HTR7: variants seen among roughly 807,000 people sequenced by gnomAD.
HTR7 encodes the protein 5-HT-7.
HTR7 carries 16 observed loss-of-function variants against 34.0 expected under a neutral mutation model. That is an observed-to-expected ratio of 0.47 (90% CI 0.32 to 0.71). The LOEUF is 0.71. HTR7 is among the 30% of genes least tolerant of loss of function. The pLI is 0.04. For missense variants in HTR7, 504 were observed against 625.5 expected, an observed-to-expected ratio of 0.81 and a Z score of 2.07; for synonymous variants, 265 against 260.2, an observed-to-expected ratio of 1.02 and a Z score of -0.18.
intron 1 of HTR7, among the ~76,000 whole-genome samples, chr10:90,776,392 T>C (rs1845210626): frequency 6.6e-6 from 1 of 152,242 alleles, no homozygotes; most frequent in Non-Finnish European, 1.5e-5. Flanking sequence ...CCCTCATATG[T>C]ATGTATGCTG....
intron 1 of HTR7, among the ~76,000 whole-genome samples, chr10:90,854,558 T>A (rs551211364): frequency 1.8e-4 from 17 of 96,652 alleles, no homozygotes; most frequent in African/African-American, 9.4e-4. Flanking sequence ...GCAGGACAGA[T>A]CAGATTGTTT....
chr10:90,759,312 G>A (rs1227607923), intron 1 of HTR7, among the ~76,000 whole-genome samples: 2 of 151,988 alleles, frequency 1.3e-5, no homozygotes, highest in Non-Finnish European at 2.9e-5. Context: ...CTATTTTGGG[G>A]GAGGAAATAA....
intron 1 of HTR7, among the ~76,000 whole-genome samples, chr10:90,781,667 T>C (rs1845307093): frequency 6.6e-6 from 1 of 152,244 alleles, no homozygotes; most frequent in Non-Finnish European, 1.5e-5. Flanking sequence ...TCTTGTTATA[T>C]AATAAAGCTT....
At chr10:90,784,645 G>A (rs1845354786) in intron 1 of HTR7, among the ~76,000 whole-genome samples, 2 of 152,178 alleles carry the variant, frequency 1.3e-5, no homozygotes, top group South Asian at 4.1e-4. Flanking sequence ...TCAGTATAAT[G>A]TCAGGAAGCC....
At chr10:90,831,599 C>T (rs960027608) in intron 1 of HTR7, among the ~76,000 whole-genome samples, 1 of 152,216 alleles carries the variant, frequency 6.6e-6, no homozygotes, top group Non-Finnish European at 1.5e-5. Flanking sequence ...CTCGCGCAGC[C>T]TGCTTTTATT....
At chr10:90,746,578 T>G (rs537113843) in intron 2 of HTR7, among the ~76,000 whole-genome samples, 24 of 152,258 alleles carry the variant, frequency 1.6e-4, no homozygotes, top group Non-Finnish European at 3.1e-4. Context: ...TTTCCTGTGC[T>G]AAAAAATGCT....
chr10:90,778,778 A>G (rs1202896157), intron 1 of HTR7, among the ~76,000 whole-genome samples: 1 of 152,154 alleles, frequency 6.6e-6, no homozygotes, highest in African/African-American at 2.4e-5. Flanking sequence ...TGTCTCTTCC[A>G]CTGTCTAAAT....
At position 90,742,370 on chromosome 10, in the gene HTR7, G is replaced by C. The variant is rs913467702; in HGVS notation, c.*112C>G. 1.3e-6 allele frequency: 1 copy of C among 768,422 alleles called. No individual in the cohort carries two copies. The highest frequency in any genetic ancestry group is 2.2e-6 in the Non-Finnish European group (1 of 459,158). The allele number at this position is 768,422 out of a possible 1,614,324, so 47.6% of individuals were successfully genotyped here. A position where few individuals can be genotyped will look rare whatever the true frequency, so the allele number is the denominator to read the frequency against. On this transcript the variant is annotated 3_prime_UTR_variant, in exon 4 of 4. Transcript: ENST00000336152. ...AGATCACCCTGTTTGTCATGTTTTA[G>C]ACATCCCAAGAAAGGACAGAAGCTG...
chr10:90,839,308 A>G (rs1846294241), intron 1 of HTR7, among the ~76,000 whole-genome samples: 1 of 152,234 alleles, frequency 6.6e-6, no homozygotes, highest in African/African-American at 2.4e-5. Flanking sequence ...TTCCCGGAAT[A>G]TAATTCTGAA....
At chr10:90,830,564 T>G (rs184172123) in intron 1 of HTR7, among the ~76,000 whole-genome samples, 13 of 152,204 alleles carry the variant, frequency 8.5e-5, no homozygotes, top group African/African-American at 2.6e-4. Context: ...ATGTAGCAGA[T>G]AGCTTGTGCC....
chr10:90,835,773 G>C (rs535145036), intron 1 of HTR7, among the ~76,000 whole-genome samples: 1 of 152,274 alleles, frequency 6.6e-6, no homozygotes, highest in South Asian at 2.1e-4. Flanking sequence ...AGGGGACTAA[G>C]GGAGAGCTTG....
intron 1 of HTR7, among the ~76,000 whole-genome samples, chr10:90,762,625 G>T (rs2119727067): frequency 6.6e-6 from 1 of 152,168 alleles, no homozygotes; most frequent in East Asian, 1.9e-4. Context: ...ATGTGAAGAA[G>T]GTTTTTATTT....
At chr10:90,752,352 C>G (rs1399332347) in intron 1 of HTR7, among the ~76,000 whole-genome samples, 2 of 151,726 alleles carry the variant, frequency 1.3e-5, no homozygotes, top group African/African-American at 4.8e-5. Context: ...AAAATAATAC[C>G]TACAGTCTAT....
intron 1 of HTR7, among the ~76,000 whole-genome samples, chr10:90,812,986 T>C (rs1845839338): frequency 1.3e-5 from 2 of 152,316 alleles, no homozygotes; most frequent in South Asian, 2.1e-4. Context: ...CCTTAACTGA[T>C]GACATTGTCT....
chr10:90,794,879 CGTGAGT>C (rs1173463660), intron 1 of HTR7, among the ~76,000 whole-genome samples: 1 of 152,184 alleles, frequency 6.6e-6, no homozygotes, highest in Non-Finnish European at 1.5e-5. Context: ...ACCACAAACA[CGTGAGT>C]AAGGCATTGT....
chr10:90,767,826 T>A (rs1008432792), intron 1 of HTR7, among the ~76,000 whole-genome samples: 1 of 152,124 alleles, frequency 6.6e-6, no homozygotes, highest in Non-Finnish European at 1.5e-5. Context: ...AGACTTCTTA[T>A]GTATCAGCTG....
chr10:90,754,933 C>T (rs1047890455), intron 1 of HTR7, among the ~76,000 whole-genome samples: 8 of 152,164 alleles, frequency 5.3e-5, no homozygotes, highest in Non-Finnish European at 8.8e-5. Context: ...TGGCAAAATC[C>T]ACTAGAATCT....
intron 1 of HTR7, among the ~76,000 whole-genome samples, chr10:90,823,863 T>C (rs1019544040): frequency 1.3e-5 from 2 of 152,212 alleles, no homozygotes; most frequent in Non-Finnish European, 2.9e-5. Flanking sequence ...ACTCTCTTTT[T>C]CCTGCTGGCC....
intron 1 of HTR7, among the ~76,000 whole-genome samples, chr10:90,792,858 A>G (rs1313395257): frequency 6.6e-6 from 1 of 152,110 alleles, no homozygotes; most frequent in Non-Finnish European, 1.5e-5. Flanking sequence ...AAAAGAATAC[A>G]GTTGGAGCCT....
Sources: gnomAD v4.1 joint callset for allele counts (sites outside exome capture counted in the v4.1 genomes callset) on GRCh38, gnomAD v4.1.1 for gene constraint, MANE v1.5 for transcripts, NCBI Gene and HGNC (gene_info 2026-07-23, HGNC 2026-07-21) for gene names.